UBASH3B: variants seen among roughly 807,000 people sequenced by gnomAD.
The protein encoded by UBASH3B is ubiquitin associated and SH3 domain containing B.
Under a neutral mutation model 83.4 loss-of-function variants are expected in UBASH3B, and 37 were observed. That is an observed-to-expected ratio of 0.44 (90% confidence interval 0.34 to 0.58). The LOEUF (loss-of-function observed/expected upper bound fraction) is 0.58, where lower values mean the gene tolerates loss of function less well. UBASH3B is among the 20% of genes least tolerant of loss of function. The pLI, the probability that UBASH3B is intolerant of heterozygous loss-of-function variation, is 0.01. For missense variants in UBASH3B, 657 were observed against 827.2 expected (o/e 0.79, Z 2.52); for synonymous variants, 304 against 318.3 (o/e 0.96, Z 0.48).
intron 1 of UBASH3B, among the ~76,000 whole-genome samples, chr11:122,766,269 G>T (rs550810766): frequency 3.0e-4 from 46 of 152,310 alleles, no homozygotes; most frequent in Non-Finnish European, 5.3e-4. Context: ...TATAGTGGCC[G>T]GGCGCGGTGG....
intron 5 of UBASH3B, among the ~76,000 whole-genome samples, chr11:122,787,454 G>A (rs1215241961): frequency 2.6e-5 from 4 of 152,134 alleles, no homozygotes; most frequent in African/African-American, 4.8e-5. Context: ...GAAATGCAGC[G>A]GTGCAAATGA....
chr11:122,697,618 T>C (rs1863979615), intron 1 of UBASH3B, among the ~76,000 whole-genome samples: 1 of 152,174 alleles, frequency 6.6e-6, no homozygotes, highest in Non-Finnish European at 1.5e-5. Context: ...TGGATCCTTT[T>C]TCCTCCACCA....
In UBASH3B at chr11:122,791,970, C is replaced by A. The variant is rs142241787; in HGVS notation, c.980+2662C>A. Among the ~76,000 whole-genome samples the A allele has an allele frequency of 8.6e-3, 1,309 of 152,340 alleles. 16 individuals are homozygous for A. Among genetic ancestry groups the A allele is most frequent in the African/African-American group, 0.03 (1,234 of 41,580 alleles). ...CTGGTGTGTTGCAGGGAGAAGCCAG[C>A]TCTCCCGATGCTTGAGATGTTCTGG... On this transcript the variant is annotated intron_variant, in intron 6 of 13. Coordinates refer to ENST00000284273, the MANE Select transcript of UBASH3B (RefSeq NM_032873.5).
chr11:122,734,019 G>A (rs1860891235), intron 1 of UBASH3B, among the ~76,000 whole-genome samples: 1 of 152,136 alleles, frequency 6.6e-6, no homozygotes, highest in Non-Finnish European at 1.5e-5. Flanking sequence ...TTTAGTAGCT[G>A]AGACTACAAG....
chr11:122,707,966 A>G (rs905873848), intron 1 of UBASH3B, among the ~76,000 whole-genome samples: 3 of 152,150 alleles, frequency 2.0e-5, no homozygotes, highest in African/African-American at 7.2e-5. Flanking sequence ...AAGTGCCGGG[A>G]TTACAGGCAT....
At chr11:122,710,630 G>A (rs544771488) in intron 1 of UBASH3B, among the ~76,000 whole-genome samples, 14 of 151,984 alleles carry the variant, frequency 9.2e-5, no homozygotes, top group African/African-American at 3.1e-4. Context: ...AGCTAATGCC[G>A]ATATAGCCAA....
chr11:122,727,612 C>G (rs1166322277), intron 1 of UBASH3B: 1 of 152,050 alleles, frequency 6.6e-6, no homozygotes, highest in Admixed American at 6.6e-5. Flanking sequence ...GCGAGGCTAT[C>G]GTCTTGACAC....
intron 1 of UBASH3B, among the ~76,000 whole-genome samples, chr11:122,739,999 A>G (rs972270245): frequency 6.6e-6 from 1 of 152,098 alleles, no homozygotes; most frequent in African/African-American, 2.4e-5. Flanking sequence ...TGTAATATGG[A>G]TTGTATTTCT....
At chr11:122,798,471 G>A (rs1216676100) in intron 9 of UBASH3B, among the ~76,000 whole-genome samples, 1 of 152,112 alleles carries the variant, frequency 6.6e-6, no homozygotes, top group East Asian at 1.9e-4. Flanking sequence ...CCAGCACTTT[G>A]GGAGGCTGAG....
intron 4 of UBASH3B, among the ~76,000 whole-genome samples, chr11:122,782,076 C>T (rs1339756129): frequency 6.6e-6 from 1 of 152,056 alleles, no homozygotes; most frequent in Non-Finnish European, 1.5e-5. Context: ...GATTCTCCCT[C>T]ATTGTAAATA....
intron 1 of UBASH3B, among the ~76,000 whole-genome samples, chr11:122,695,661 T>C (rs536380654): frequency 2.0e-5 from 3 of 152,338 alleles, no homozygotes; most frequent in South Asian, 2.1e-4. Context: ...TTTTATGCAT[T>C]GTGATCCTCT....
chr11:122,737,656 G>T (rs1860956130), intron 1 of UBASH3B, among the ~76,000 whole-genome samples: 1 of 151,944 alleles, frequency 6.6e-6, no homozygotes, highest in South Asian at 2.1e-4. Context: ...AAATTGCATG[G>T]ATGCTCTGCC....
At chr11:122,704,434 C>A (rs146195563) in intron 1 of UBASH3B, among the ~76,000 whole-genome samples, 1 of 152,066 alleles carries the variant, frequency 6.6e-6, no homozygotes, top group African/African-American at 2.4e-5. Flanking sequence ...AGAAGATAAG[C>A]GAATTCCCCG....
At chr11:122,802,504 T>C (rs1403404146) in intron 11 of UBASH3B, among the ~76,000 whole-genome samples, 2 of 152,146 alleles carry the variant, frequency 1.3e-5, no homozygotes, top group Non-Finnish European at 2.9e-5. Context: ...AACTTTCTTA[T>C]GTGATATCTG....
At chr11:122,721,089 C>CA (rs144316675) in intron 1 of UBASH3B, among the ~76,000 whole-genome samples, 13,844 of 151,572 alleles carry the variant, frequency 0.091, 825 homozygotes, top group African/African-American at 0.17. Flanking sequence ...ACCAAAAATA[C>CA]AAAAAATTAG....
intron 1 of UBASH3B, among the ~76,000 whole-genome samples, chr11:122,757,147 G>A (rs1177621422): frequency 1.3e-5 from 2 of 152,192 alleles, no homozygotes; most frequent in Non-Finnish European, 2.9e-5. Context: ...GGGATGTCCC[G>A]ATGCAGTACT....
chr11:122,756,761 C>T (rs1010101288), intron 1 of UBASH3B, among the ~76,000 whole-genome samples: 1 of 152,196 alleles, frequency 6.6e-6, no homozygotes, highest in South Asian at 2.1e-4. Context: ...TCTTAGGCTG[C>T]TCCCTATGAA....
chr11:122,663,255 G>C (rs944585563), intron 1 of UBASH3B, among the ~76,000 whole-genome samples: 1 of 152,178 alleles, frequency 6.6e-6, no homozygotes, highest in African/African-American at 2.4e-5. Context: ...GGGATTACAG[G>C]CATAAGCCAC....
rs1861472456 is a variant in UBASH3B, at chr11:122,812,723, A to C, written c.*2837A>C. ...TGCCACATCAATCCGGTAATGCCCC[A>C]GTGTTATTCACAGACAGAACTTTGT... is the stretch of plus-strand genomic sequence containing the variant. On this transcript the variant is annotated 3_prime_UTR_variant, in exon 14 of 14. Coordinates refer to ENST00000284273, the MANE Select transcript of UBASH3B (RefSeq NM_032873.5). 1 of 152,216 alleles carries C rather than the reference A, an allele frequency of 6.6e-6. No homozygotes were observed. Among genetic ancestry groups the C allele is most frequent in the South Asian group, 2.1e-4 (1 of 4,832 alleles). The allele number at this position is 152,216 out of a possible 1,614,324, so 9.4% of individuals were successfully genotyped here.
Sources: allele counts gnomAD v4.1 joint callset (sites outside exome capture counted in the v4.1 genomes callset), GRCh38; gene constraint gnomAD v4.1.1; transcripts MANE v1.5; gene names NCBI Gene and HGNC (gene_info 2026-07-23, HGNC 2026-07-21).